The following C6orf136 variants were observed in gnomAD, a reference collection of about 807,000 sequenced individuals.
C6orf136 encodes the protein chromosome 6 open reading frame 136.
A neutral mutation model predicts 44.0 loss-of-function variants in C6orf136; 29 were observed. The observed-to-expected ratio is 0.66, with a 90% confidence interval of 0.49 to 0.90. The LOEUF is 0.90. Ranked by LOEUF, C6orf136 falls within the 40% of genes least tolerant of loss-of-function variation. C6orf136 has a pLI of 0.00. For synonymous variants in C6orf136, 293 were observed against 278.6 expected, an observed-to-expected ratio of 1.05 and a Z score of -0.52; for missense variants, 628 against 669.3, an observed-to-expected ratio of 0.94 and a Z score of 0.68.
intron 1 of C6orf136, 64 bp from the exon 2 acceptor site, chr6:30,649,494 A>G (rs1039778079): frequency 3.6e-5 from 53 of 1,460,806 alleles, no homozygotes; most frequent in Non-Finnish European, 4.7e-5. Context: ...TTGAGCATCC[A>G]GGGGATCAAG....
At chr6:30,650,758 G>C (rs1216993183) in intron 2 of C6orf136, among the ~76,000 whole-genome samples, 1 of 149,218 alleles carries the variant, frequency 6.7e-6, no homozygotes, top group Non-Finnish European at 1.5e-5. Context: ...ACTCCAGCCT[G>C]GGCGACAGAG....
At position 30,647,641 on chromosome 6, in the gene C6orf136, G is replaced by T; in HGVS notation, c.410G>T (p.Ser137Ile). Residue 137 changes from serine to isoleucine, a missense_variant, in exon 1 of 6, where the codon AGC becomes ATC. Physicochemically the swap from Ser to Ile is moderately radical, Grantham distance 142. Transcript: ENST00000651131. The surrounding 1 kb of genome is among the most constrained non-coding windows in gnomAD (Gnocchi z 4.8). Reference protein sequence around the residue: ...DLKGRGREIRSPAAAPSRSSP... With the variant: ...DLKGRGREIRIPAAAPSRSSP... ...AAGGGCAGGGGCCGAGAGATTCGTA[G>T]CCCTGCTGCGGCGCCGTCCCGGAGT... 6.5e-7 allele frequency: 1 copy of T among 1,550,022 alleles called. No individual in the cohort carries two copies. Among genetic ancestry groups the T allele is most frequent in the Non-Finnish European group, 8.7e-7 (1 of 1,146,614 alleles).
Position 30,649,676 on chromosome 6 carries a change from G to GTA in C6orf136, c.735_736insAT (p.Leu246IlefsTer92). The GTA allele has an allele frequency of 6.2e-7, 1 of 1,608,772 alleles. No individual in the cohort carries two copies. Among genetic ancestry groups the GTA allele is most frequent in the Non-Finnish European group, 8.5e-7 (1 of 1,178,398 alleles). On this transcript the variant is annotated frameshift_variant, in exon 2 of 6. Coordinates refer to ENST00000651131, the MANE Select transcript of C6orf136 (RefSeq NM_001161376.2). LOFTEE classifies it high-confidence loss of function. ...CTGCCCCCACGCCTTCCCACCCAGC[G>GTA]TCTTCCCCAGGTTCCCCCACTACCT...
Position 30,651,080 on chromosome 6 carries a change from C to G in C6orf136, c.1104C>G (p.Thr368=). 6.2e-7 allele frequency: 1 copy of G among 1,613,018 alleles called. No homozygotes were observed. The highest frequency in any genetic ancestry group is 8.5e-7 in the Non-Finnish European group (1 of 1,179,078). The change falls in exon 3 of 6, where the codon ACC becomes ACG. Residue 368 remains threonine, a splice_region_variant and synonymous_variant. Transcript: ENST00000651131. ...TCAATGAGATCCTCAACATACGTAC[C>G]AAGTGAGAATTGGGGCACAGGTAGG... ...EFINEILNIR[T]KGRTWYILSL...
Position 30,652,720 on chromosome 6 carries a change from G to A in C6orf136, c.1377+3G>A. On this transcript the variant is annotated splice_donor_region_variant and intron_variant, in intron 5 of 5. Coordinates refer to ENST00000651131, the MANE Select transcript of C6orf136 (RefSeq NM_001161376.2). ...TTTGTCGCCATCGTCTAGATAAAGT[G>A]AGTCCTAGGTAGGGCTGGGTGGGGT... The A allele has an allele frequency of 6.2e-7, 1 of 1,613,044 alleles. No individual in the cohort carries two copies. The highest frequency in any genetic ancestry group is 8.5e-7 in the Non-Finnish European group (1 of 1,180,012).
rs765292120 is a variant in C6orf136, at chr6:30,651,075, C to T, written c.1099C>T (p.Arg367Cys). The change falls in exon 3 of 6, where the codon CGT becomes TGT. Residue 367 changes from arginine (R) to cysteine (C), a missense_variant. Around this residue, in one of 2 missense-constraint regions of C6orf136, gnomAD observed 131 missense variants for 200.1 expected, o/e 0.65. Coordinates refer to ENST00000651131, the MANE Select transcript of C6orf136 (RefSeq NM_001161376.2). ...ATTCATCAATGAGATCCTCAACATA[C>T]GTACCAAGTGAGAATTGGGGCACAG... ...VEFINEILNI[R>C]TKGRTWYILS... 8 of 1,613,214 alleles carry T rather than the reference C, an allele frequency of 5.0e-6. No homozygotes were observed. Among genetic ancestry groups the T allele is most frequent in the South Asian group, 4.4e-5 (4 of 91,072 alleles).
Position 30,652,930 on chromosome 6 carries a change from G to C in C6orf136, c.*15G>C. The C allele has an allele frequency of 6.2e-7, 1 of 1,604,474 alleles. No individual in the cohort carries two copies. The highest frequency in any genetic ancestry group is 8.5e-7 in the Non-Finnish European group (1 of 1,172,756). On this transcript the variant is annotated 3_prime_UTR_variant, in exon 6 of 6. Coordinates refer to ENST00000651131, the MANE Select transcript of C6orf136 (RefSeq NM_001161376.2). ...CCAAGCCCTGATCCTTGACCTTGGAGTGGAGGCAGCACTGAAGACTGCTAC... is the reference window on the plus strand; with the variant it reads ...CCAAGCCCTGATCCTTGACCTTGGACTGGAGGCAGCACTGAAGACTGCTAC...
intron 4 of C6orf136, 51 bp from the exon 5 acceptor site, chr6:30,652,597 G>A: frequency 6.5e-7 from 1 of 1,534,516 alleles, no homozygotes; most frequent in Non-Finnish European, 9.0e-7. Flanking sequence ...CTTGAATTCA[G>A]CTTTGGGACC....
At position 30,649,660 on chromosome 6, in the gene C6orf136, C is replaced by T. The variant is rs780389620; in HGVS notation, c.718C>T (p.Arg240Cys). 38 of 1,607,248 alleles carry T rather than the reference C, an allele frequency of 2.4e-5. No homozygotes were observed. Among genetic ancestry groups the T allele is most frequent in the South Asian group, 4.4e-5 (4 of 90,402 alleles). The change falls in exon 2 of 6, where the codon CGC becomes TGC. Residue 240 changes from arginine to cysteine, a missense_variant. By Grantham distance (180) the Arg-to-Cys change is radical. This residue lies in a region of C6orf136 where 497 missense variants were observed against 469.2 expected (regional missense o/e 1.06). Transcript: ENST00000651131. ...TCTATTCTGGTCTCCCCTGCCCCCA[C>T]GCCTTCCCACCCAGCGTCTTCCCCA... ...SPLFWSPLPP[R>C]LPTQRLPQVP...
chr6:30,647,994 C>G lies in C6orf136; in HGVS notation c.615+148C>G. The G allele has an allele frequency of 8.3e-7, 1 of 1,197,908 alleles. No individual in the cohort carries two copies. The highest frequency in any genetic ancestry group is 1.1e-6 in the Non-Finnish European group (1 of 896,724). 74.2% of individuals were successfully genotyped at this position (1,197,908 alleles called of 1,614,324 possible). On this transcript the variant is annotated intron_variant, in intron 1 of 5. Coordinates refer to ENST00000651131, the MANE Select transcript of C6orf136 (RefSeq NM_001161376.2). This position sits in a 1 kb window ranked among gnomAD's most constrained non-coding sequence, Gnocchi z 4.8. Reference sequence around the variant, plus strand: ...TAAACCCAGGAGAGTGAAGGCCAGCCTTTAACTGTCTCCTGAGGTTGTGTC... The same window carrying G: ...TAAACCCAGGAGAGTGAAGGCCAGCGTTTAACTGTCTCCTGAGGTTGTGTC...
In C6orf136 at chr6:30,647,433, G is replaced by A. The variant is rs555516210; in HGVS notation, c.202G>A (p.Ala68Thr). The A allele has an allele frequency of 9.6e-5, 141 of 1,471,880 alleles. No individual in the cohort carries two copies. The highest frequency in any genetic ancestry group is 5.3e-4 in the African/African-American group (37 of 69,972). 91.2% of individuals were successfully genotyped at this position (1,471,880 alleles called of 1,614,324 possible). A position where few individuals can be genotyped will look rare whatever the true frequency, so the allele number is the denominator to read the frequency against. The change falls in exon 1 of 6, where the codon GCC becomes ACC. Residue 68 changes from alanine to threonine, a missense_variant. Ala to Thr is a moderately conservative substitution (Grantham distance 58, BLOSUM62 0). Around this residue, in one of 2 missense-constraint regions of C6orf136, gnomAD observed 497 missense variants for 469.2 expected, o/e 1.06. Coordinates refer to ENST00000651131, the MANE Select transcript of C6orf136 (RefSeq NM_001161376.2). This position sits in a 1 kb window ranked among gnomAD's most constrained non-coding sequence, Gnocchi z 4.8. Reference protein sequence around the residue: ...QRHPPPLPTCALQRVDRLGVA... With the variant: ...QRHPPPLPTCTLQRVDRLGVA... ...ACACCCGCCGCCCCTTCCCACCTGTGCCCTGCAGCGCGTGGACAGGCTAGG... is the reference window on the plus strand; with the variant it reads ...ACACCCGCCGCCCCTTCCCACCTGTACCCTGCAGCGCGTGGACAGGCTAGG...
intron 1 of C6orf136, among the ~76,000 whole-genome samples, chr6:30,649,255 C>G (rs1027946336): frequency 6.6e-6 from 1 of 152,076 alleles, no homozygotes; most frequent in Non-Finnish European, 1.5e-5. Context: ...CCCAGCTACT[C>G]AGGAGGCTGA....
Position 30,647,268 on chromosome 6 carries a change from G to A in C6orf136, c.37G>A (p.Gly13Ser), listed in dbSNP as rs765219539. ...QPSRGAARRL[G>S]PCLRAYQARP... ...CAGCCGGGGTGCGGCCCGGCGTCTC[G>A]GCCCTTGCCTGCGCGCCTACCAGGC... The change falls in exon 1 of 6, where the codon GGC becomes AGC. Residue 13 changes from glycine (G) to serine (S), a missense_variant. Around this residue, in one of 2 missense-constraint regions of C6orf136, gnomAD observed 497 missense variants for 469.2 expected, o/e 1.06. Transcript: ENST00000651131. This position sits in a 1 kb window ranked among gnomAD's most constrained non-coding sequence, Gnocchi z 4.8. 1.9e-5 allele frequency: 31 copies of A among 1,598,862 alleles called. No individual in the cohort carries two copies. The highest frequency in any genetic ancestry group is 2.6e-5 in the Non-Finnish European group (31 of 1,175,082).
In C6orf136 at chr6:30,647,226, A is replaced by C. The variant is rs774438941; in HGVS notation, c.-6A>C. On this transcript the variant is annotated 5_prime_UTR_variant, in exon 1 of 6. Coordinates refer to ENST00000651131, the MANE Select transcript of C6orf136 (RefSeq NM_001161376.2). The surrounding 1 kb of genome is among the most constrained non-coding windows in gnomAD (Gnocchi z 4.8). ...CAGGAGGCTCCTTCTCCACTCCCGG[A>C]AGATCATGTACCAGCCCAGCCGGGG... 12 of 1,579,594 alleles carry C rather than the reference A, an allele frequency of 7.6e-6. No homozygotes were observed. The highest frequency in any genetic ancestry group is 9.4e-6 in the Non-Finnish European group (11 of 1,167,758).
Position 30,647,940 on chromosome 6 carries a change from G to A in C6orf136, c.615+94G>A. 1 of 1,412,078 alleles carries A rather than the reference G, an allele frequency of 7.1e-7. No homozygotes were observed. Among genetic ancestry groups the A allele is most frequent in the Non-Finnish European group, 9.2e-7 (1 of 1,086,490 alleles). The allele number at this position is 1,412,078 out of a possible 1,614,324, so 87.5% of individuals were successfully genotyped here. The stretch of plus-strand genomic sequence containing the variant: ...GGACTCGGGTGAGGCCTAACTTTGG[G>A]TGACCTCCCCTTGCAGTTTCAACGT... On this transcript the variant is annotated intron_variant, in intron 1 of 5. Transcript: ENST00000651131. This position sits in a 1 kb window ranked among gnomAD's most constrained non-coding sequence, Gnocchi z 4.8.
In C6orf136 at chr6:30,652,613, CCTT is replaced by C. The variant is rs537326189; in HGVS notation, c.1308-32_1308-30del. 1,146 of 1,590,582 alleles carry C rather than the reference CCTT, an allele frequency of 7.2e-4. 5 individuals carry two copies. Among genetic ancestry groups the C allele is most frequent in the Middle Eastern group, 5.8e-3 (35 of 6,012 alleles). On this transcript the variant is annotated intron_variant, in intron 4 of 5. Transcript: ENST00000651131. ...TTGAATTCAGCTTTGGGACCAGTCA[CCTT>C]CTCCCTCAGTAAGCCTCCCTCTATT...
chr6:30,649,638 A>C lies in C6orf136; in HGVS notation c.696A>C (p.Leu232=), dbSNP rs1248743158. Residue 232 remains leucine (L), a synonymous_variant, in exon 2 of 6, where the codon CTA becomes CTC. Coordinates refer to ENST00000651131, the MANE Select transcript of C6orf136 (RefSeq NM_001161376.2). The stretch of plus-strand genomic sequence containing the variant: ...CAACCACTTCCCCATCTTCTCCTCT[A>C]TTCTGGTCTCCCCTGCCCCCACGCC... ...STTTTSPSSP[L]FWSPLPPRLP... 1.3e-6 allele frequency: 2 copies of C among 1,599,898 alleles called. No individual in the cohort carries two copies. Among genetic ancestry groups the C allele is most frequent in the Non-Finnish European group, 1.7e-6 (2 of 1,176,078 alleles).
chr6:30,648,924 C>T (rs1342448912), intron 1 of C6orf136, among the ~76,000 whole-genome samples: 1 of 151,828 alleles, frequency 6.6e-6, no homozygotes, highest in Non-Finnish European at 1.5e-5. Context: ...AGGAGAATGG[C>T]TTGAACCCAG....
At chr6:30,648,689 C>G (rs961345685) in intron 1 of C6orf136, among the ~76,000 whole-genome samples, 1 of 144,316 alleles carries the variant, frequency 6.9e-6, no homozygotes, top group African/African-American at 2.5e-5. Context: ...CGTGAGCCAC[C>G]GCGCCCGGCC....
Sources: gnomAD v4.1 joint callset for allele counts (sites outside exome capture counted in the v4.1 genomes callset) on GRCh38, gnomAD v4.1.1 for gene constraint, gnomAD v4.1.1 regional missense constraint, Gnocchi (gnomAD v3.1) non-coding constraint, MANE v1.5 for transcripts, NCBI Gene and HGNC (gene_info 2026-07-23, HGNC 2026-07-21) for gene names.